DNAJC3: variants seen among roughly 807,000 people sequenced by gnomAD.
DNAJC3 encodes the protein dnaJ homolog subfamily C member 3.
DNAJC3 carries 38 observed loss-of-function variants against 68.6 expected under a neutral mutation model. The observed-to-expected ratio is 0.55, with a 90% confidence interval of 0.43 to 0.73. The LOEUF is 0.73. DNAJC3 is among the 30% of genes least tolerant of loss of function. The probability of loss-of-function intolerance (pLI) is 0.00; values close to 1 mark genes in which losing one functional copy is unlikely to be tolerated. For synonymous variants in DNAJC3, 203 were observed against 204.0 expected, an observed-to-expected ratio of 1.00 and a Z score of 0.04; for missense variants, 526 against 591.9, an observed-to-expected ratio of 0.89 and a Z score of 1.16.
rs567152665 is a variant in DNAJC3, at chr13:95,746,737, T to C, written c.394-10907T>C. Among the ~76,000 whole-genome samples the C allele has an allele frequency of 8.7e-4, 132 of 152,338 alleles. 1 individual carries two copies. The highest frequency in any genetic ancestry group is 3.1e-3 in the African/African-American group (128 of 41,584). On this transcript the variant is annotated intron_variant, in intron 4 of 11. Transcript: ENST00000602402. ...TGTACTAAGCATTTCATCTTACTAA[T>C]GTGGTGCTGGATACAGCCAGGTGGA... is the stretch of plus-strand genomic sequence containing the variant.
At chr13:95,725,524 C>T (rs923601423) in intron 4 of DNAJC3, among the ~76,000 whole-genome samples, 3 of 152,118 alleles carry the variant, frequency 2.0e-5, no homozygotes, top group Non-Finnish European at 4.4e-5. Flanking sequence ...CTTGCTTGTT[C>T]TGCTTTGTCC....
In DNAJC3 at chr13:95,705,505, C is replaced by CCT. The variant is rs542563894; in HGVS notation, c.83-3707_83-3706dup. On this transcript the variant is annotated intron_variant, in intron 1 of 11. Transcript: ENST00000602402. ...GTGGTCCCTCACTAATACATTTCTC[C>CCT]CTCTCTCTCTCTCTCTTTTTTTTTT... Among the ~76,000 whole-genome samples, 243 of 150,592 alleles carry CCT rather than the reference C, an allele frequency of 1.6e-3. 1 individual carries two copies. The East Asian group carries it at 0.036, about 22-fold the overall frequency.
intron 1 of DNAJC3, among the ~76,000 whole-genome samples, chr13:95,687,168 T>C (rs1739083740): frequency 6.6e-6 from 1 of 152,222 alleles, no homozygotes; most frequent in African/African-American, 2.4e-5. Flanking sequence ...GATTTGGTTT[T>C]TGGCTTGAAT....
intron 1 of DNAJC3, among the ~76,000 whole-genome samples, chr13:95,687,827 T>G (rs1269303841): frequency 6.6e-6 from 1 of 152,232 alleles, no homozygotes; most frequent in Non-Finnish European, 1.5e-5. Flanking sequence ...ACATTGGTAA[T>G]TTGGTAGGAA....
chr13:95,779,375 C>CTT (rs1566514193), intron 9 of DNAJC3, among the ~76,000 whole-genome samples: 1 of 152,054 alleles, frequency 6.6e-6, no homozygotes, highest in Non-Finnish European at 1.5e-5. Context: ...CTGCCCACTG[C>CTT]GGCCTCCCAA....
At chr13:95,721,042 T>C (rs1485643373) in intron 2 of DNAJC3, among the ~76,000 whole-genome samples, 1 of 152,168 alleles carries the variant, frequency 6.6e-6, no homozygotes, top group Non-Finnish European at 1.5e-5. Context: ...CTGCATCCAT[T>C]AAACATTAGG....
chr13:95,745,496 C>T (rs1316667939), intron 4 of DNAJC3: 1 of 152,248 alleles, frequency 6.6e-6, no homozygotes, highest in Non-Finnish European at 1.5e-5. Context: ...TGACATTCCC[C>T]ACCTGCAGCG....
At chr13:95,742,675 C>T in intron 4 of DNAJC3, 2 of 518,958 alleles carry the variant, frequency 3.9e-6, no homozygotes, top group Non-Finnish European at 3.8e-6. Context: ...AGCGTTCTCT[C>T]CTAGATGATC....
chr13:95,744,556 A>G (rs1417569966), intron 4 of DNAJC3, among the ~76,000 whole-genome samples: 1 of 152,216 alleles, frequency 6.6e-6, no homozygotes, highest in Non-Finnish European at 1.5e-5. Flanking sequence ...AGTTTGTCCA[A>G]ACTCATTGTA....
At chr13:95,770,668 A>G (rs948875456) in intron 9 of DNAJC3, among the ~76,000 whole-genome samples, 1 of 152,328 alleles carries the variant, frequency 6.6e-6, no homozygotes. Context: ...TATAATGGCT[A>G]GACTTGCCCT....
Position 95,723,251 on chromosome 13 carries a change from C to T in DNAJC3, c.203C>T (p.Pro68Leu), listed in dbSNP as rs2139641423. 6.3e-7 allele frequency: 1 copy of T among 1,593,420 alleles called. No homozygotes were observed. Residue 68 changes from proline to leucine, a missense_variant, in exon 3 of 12, where the codon CCT becomes CTT. By Grantham distance (98) the Pro-to-Leu change is moderately conservative. Transcript: ENST00000602402. Reference sequence around the variant, plus strand: ...TTATTTTAATTTTCAGATGGTGACCCTGATAACTATATTGCTTATTATCGG... The same window carrying T: ...TTATTTTAATTTTCAGATGGTGACCTTGATAACTATATTGCTTATTATCGG... Reference protein sequence around the residue: ...SQFHAAVDGDPDNYIAYYRRA... With the variant: ...SQFHAAVDGDLDNYIAYYRRA...
chr13:95,691,764 C>G (rs888857372), intron 1 of DNAJC3, among the ~76,000 whole-genome samples: 2 of 152,224 alleles, frequency 1.3e-5, no homozygotes, highest in Non-Finnish European at 2.9e-5. Flanking sequence ...GCCTGGGCAC[C>G]ATTGAGCACT....
At chr13:95,737,013 G>T (rs1290601487) in intron 4 of DNAJC3, among the ~76,000 whole-genome samples, 8 of 151,932 alleles carry the variant, frequency 5.3e-5, no homozygotes, top group Admixed American at 5.2e-4. Flanking sequence ...CTAATTTATT[G>T]AGAGTTTTTA....
At chr13:95,790,099 CTTTAG>C (rs1409704738) in intron 11 of DNAJC3, among the ~76,000 whole-genome samples, 17 of 152,102 alleles carry the variant, frequency 1.1e-4, no homozygotes, top group African/African-American at 2.9e-4. Flanking sequence ...TGTAGAAGCT[CTTTAG>C]TTTAATTAGA....
chr13:95,693,688 A>G (rs1880347743), intron 1 of DNAJC3: 2 of 152,208 alleles, frequency 1.3e-5, no homozygotes, highest in African/African-American at 4.8e-5. Flanking sequence ...TCTTAAGACT[A>G]TTAGTCTTCT....
intron 1 of DNAJC3, 24 bp from the exon 2 acceptor site, chr13:95,709,203 G>T: frequency 1.4e-6 from 2 of 1,472,490 alleles, no homozygotes; most frequent in South Asian, 2.9e-5. Context: ...AAAGTTAACT[G>T]ATTGTTTTTA....
chr13:95,746,042 A>C lies in DNAJC3; in HGVS notation c.394-11602A>C, dbSNP rs190045933. Among the ~76,000 whole-genome samples the C allele has an allele frequency of 5.3e-5, 8 of 152,248 alleles. No homozygotes were observed. In the East Asian group the frequency reaches 1.5e-3, roughly 29 times the overall value. On this transcript the variant is annotated intron_variant, in intron 4 of 11. Transcript: ENST00000602402. The stretch of plus-strand genomic sequence containing the variant: ...AATTGAGGCTTAGAGCAGTTTAGTA[A>C]CTTGCTCAAGATTACACCAGTAGTT...
chr13:95,774,083 A>G (rs900974691), intron 9 of DNAJC3, among the ~76,000 whole-genome samples: 13 of 152,062 alleles, frequency 8.5e-5, no homozygotes, highest in Admixed American at 2.0e-4. Flanking sequence ...AATGGTTTCT[A>G]TGGCTTTTCT....
chr13:95,740,455 T>C (rs1489545656), intron 4 of DNAJC3, among the ~76,000 whole-genome samples: 1 of 151,634 alleles, frequency 6.6e-6, no homozygotes, highest in Non-Finnish European at 1.5e-5. Flanking sequence ...GTGCTAGCAA[T>C]CAGCGAGACT....
Sources: gnomAD v4.1 joint callset for allele counts (sites outside exome capture counted in the v4.1 genomes callset) on GRCh38, gnomAD v4.1.1 for gene constraint, MANE v1.5 for transcripts, NCBI Gene and HGNC (gene_info 2026-07-23, HGNC 2026-07-21) for gene names.